PDZD7: variants seen among roughly 807,000 people sequenced by gnomAD.
PDZD7 encodes PDZ domain-containing protein 7.
A neutral mutation model predicts 84.7 loss-of-function variants in PDZD7; 72 were observed. The observed-to-expected ratio is 0.85, with a 90% CI of 0.70 to 1.03. PDZD7 has a LOEUF of 1.03. PDZD7 is among the 50% of genes least tolerant of loss of function. The pLI is 0.00. For synonymous variants in PDZD7, 594 were observed against 580.7 expected, an observed-to-expected ratio of 1.02 and a Z score of -0.33; for missense variants, 1,490 against 1,412.9, an observed-to-expected ratio of 1.05 and a Z score of -0.87.
intron 9 of PDZD7, among the ~76,000 whole-genome samples, chr10:101,016,930 T>G (rs2134029528): frequency 6.6e-6 from 1 of 152,086 alleles, no homozygotes; most frequent in Admixed American, 6.6e-5. Context: ...CCCCAGAACA[T>G]CCCACCCCAG....
Position 101,015,672 on chromosome 10 carries a change from A to G in PDZD7, c.1713T>C (p.Asp571=), listed in dbSNP as rs1420646989. ...IQDLAQRLLT[D]DEVLAVTRHC... ...GGCGGGTGACAGCCAGCACCTCGTCATCAGTCAGCAGCCTCTGGGCCAGGT... is the reference window on the plus strand; with the variant it reads ...GGCGGGTGACAGCCAGCACCTCGTCGTCAGTCAGCAGCCTCTGGGCCAGGT... The change falls in exon 11 of 17, where the codon GAT becomes GAC. Residue 571 remains aspartate, a synonymous_variant. Transcript: ENST00000619208. 6.5e-7 allele frequency: 1 copy of G among 1,550,274 alleles called. No individual in the cohort carries two copies. The highest frequency in any genetic ancestry group is 2.4e-5 in the East Asian group (1 of 40,922).
In PDZD7 at chr10:101,023,520, A is replaced by C; in HGVS notation, c.458T>G (p.Leu153Arg). ...CATGTGCAGGCGGCTGCTGCTGGTC[A>C]GCACCTTTACGGCGCTACCCATGGT... ...STTMGSAVKVLTSSSRLHMMV... is the reference protein window; with the variant it reads ...STTMGSAVKVRTSSSRLHMMV... Residue 153 changes from leucine (L) to arginine (R), a missense_variant, in exon 4 of 17, where the codon CTG becomes CGG. Leu to Arg is a moderately radical substitution (Grantham distance 102). Transcript: ENST00000619208. 1 of 1,614,100 alleles carries C rather than the reference A, an allele frequency of 6.2e-7. No homozygotes were observed. Among genetic ancestry groups the C allele is most frequent in the Non-Finnish European group, 8.5e-7 (1 of 1,180,016 alleles).
intron 10 of PDZD7, 113 bp from the exon 11 acceptor site, chr10:101,015,924 T>C (rs77869858): frequency 8.4e-7 from 1 of 1,184,956 alleles, no homozygotes; most frequent in Non-Finnish European, 1.2e-6. Flanking sequence ...TAGCCTAGCC[T>C]ATATGCTCCC....
Position 101,010,706 on chromosome 10 carries a change from AG to A in PDZD7, c.2182del (p.Leu728SerfsTer25), listed in dbSNP as rs1162586274. 14 of 1,141,398 alleles carry A rather than the reference AG, an allele frequency of 1.2e-5. No individual in the cohort carries two copies. The highest frequency in any genetic ancestry group is 2.9e-5 in the Admixed American group (1 of 33,994). The allele number at this position is 1,141,398 out of a possible 1,614,324, so 70.7% of individuals were successfully genotyped here. On this transcript the variant is annotated frameshift_variant, in exon 15 of 17. Transcript: ENST00000619208. LOFTEE classifies it high-confidence loss of function. The part of the protein sequence containing the change: ...QDVPVDAFTP[L>X]RIACTPPPQL... ...GGGAGGGGGTGTGCAGGCAATTCGGAGGGGGGTGAAGGCATCTACTGGCACG... is the reference window on the plus strand; with the variant it reads ...GGGAGGGGGTGTGCAGGCAATTCGGAGGGGGTGAAGGCATCTACTGGCACG...
At chr10:101,026,773 T>TC (rs1475387629) in intron 2 of PDZD7, among the ~76,000 whole-genome samples, 1 of 142,910 alleles carries the variant, frequency 7.0e-6, no homozygotes, top group African/African-American at 2.6e-5. Flanking sequence ...CAGAAAGAAA[T>TC]CCCCGAGGGC....
At chr10:101,013,718 G>A (rs954424478) in intron 11 of PDZD7, among the ~76,000 whole-genome samples, 1 of 152,198 alleles carries the variant, frequency 6.6e-6, no homozygotes, top group Non-Finnish European at 1.5e-5. Context: ...GTGGAGGTTG[G>A]TGGGTTAGGG....
At chr10:101,009,491 A>C in intron 15 of PDZD7, 141 bp from the exon 16 acceptor site, 1 of 691,152 alleles carries the variant, frequency 1.4e-6, no homozygotes, top group Non-Finnish European at 2.5e-6. Context: ...CTCAAATCTC[A>C]ACTCATTCCA....
chr10:101,019,315 C>G, intron 7 of PDZD7, 98 bp from the exon 8 acceptor site: 1 of 1,460,186 alleles, frequency 6.8e-7, no homozygotes, highest in South Asian at 1.3e-5. Flanking sequence ...GAGGCAAGGT[C>G]AGGCAGCAGC....
At chr10:101,008,931 C>G in intron 16 of PDZD7, 81 bp from the exon 17 acceptor site, 1 of 1,421,348 alleles carries the variant, frequency 7.0e-7, no homozygotes, top group Non-Finnish European at 9.2e-7. Flanking sequence ...AGCATCTTCT[C>G]ACCTCCACCC....
intron 14 of PDZD7, 101 bp downstream of exon 14, chr10:101,011,589 C>A: frequency 6.7e-7 from 1 of 1,490,068 alleles, no homozygotes; most frequent in Non-Finnish European, 8.9e-7. Flanking sequence ...TGCCTGGAAG[C>A]CACAACTGCC....
intron 9 of PDZD7, 139 bp downstream of exon 9, chr10:101,017,960 C>T (rs1852793831): frequency 3.4e-6 from 3 of 879,028 alleles, no homozygotes; most frequent in East Asian, 4.9e-5. Context: ...CCATTTTACT[C>T]ATGAGGAAAC....
chr10:101,011,594 A>G (rs1590046537), intron 14 of PDZD7, 96 bp downstream of exon 14: 2 of 1,499,352 alleles, frequency 1.3e-6, no homozygotes, highest in South Asian at 1.3e-5. Flanking sequence ...GGAAGCCACA[A>G]CTGCCCCTAG....
In PDZD7 at chr10:101,030,126, C is replaced by A; in HGVS notation, c.94G>T (p.Gly32Cys). 1 of 1,614,158 alleles carries A rather than the reference C, an allele frequency of 6.2e-7. No homozygotes were observed. Among genetic ancestry groups the A allele is most frequent in the Non-Finnish European group, 8.5e-7 (1 of 1,180,018 alleles). ...LSSLSSRGHL[G>C]SDSGSTATRY... ...GTTGCGGTGGAGCCTGAGTCGCTGCCTAGGTGGCCTCGGGAGGAGAGGGAG... is the reference window on the plus strand; with the variant it reads ...GTTGCGGTGGAGCCTGAGTCGCTGCATAGGTGGCCTCGGGAGGAGAGGGAG... The change falls in exon 2 of 17, where the codon GGC becomes TGC. Residue 32 changes from glycine (G) to cysteine (C), a missense_variant. Gly to Cys is a radical substitution (Grantham distance 159). Coordinates refer to ENST00000619208, the MANE Select transcript of PDZD7 (RefSeq NM_001195263.2).
intron 11 of PDZD7, among the ~76,000 whole-genome samples, chr10:101,014,723 GCACACACA>G (rs372593109): frequency 6.7e-6 from 1 of 149,576 alleles, no homozygotes; most frequent in Non-Finnish European, 1.5e-5. Flanking sequence ...TTGCTCACAT[GCACACACA>G]CACACACAAT....
chr10:101,015,863 C>G, intron 10 of PDZD7, 52 bp from the exon 11 acceptor site: 1 of 1,510,046 alleles, frequency 6.6e-7, no homozygotes, highest in Non-Finnish European at 8.9e-7. Context: ...CTCAGCAGGG[C>G]TGGGCCCCAG....
rs191660005 is a variant in PDZD7, at chr10:101,025,586, C to T, written c.227-1518G>A. ...TATCTGAGACAGAGTCTCGCTCTGTCGCCCAGGCTGGACTGCAGTGGTGCG... is the reference window on the plus strand; with the variant it reads ...TATCTGAGACAGAGTCTCGCTCTGTTGCCCAGGCTGGACTGCAGTGGTGCG... On this transcript the variant is annotated intron_variant, in intron 2 of 16. Coordinates refer to ENST00000619208, the MANE Select transcript of PDZD7 (RefSeq NM_001195263.2). Among the ~76,000 whole-genome samples the T allele has an allele frequency of 7.4e-3, 1,107 of 150,580 alleles. 23 individuals carry two copies. The highest frequency in any genetic ancestry group is 0.026 in the African/African-American group (1,035 of 40,296).
chr10:101,016,306 G>A, intron 10 of PDZD7, 71 bp downstream of exon 10: 3 of 1,482,006 alleles, frequency 2.0e-6, no homozygotes, highest in Non-Finnish European at 1.8e-6. Context: ...CCACTCAGCT[G>A]GCCCCCAGTA....
rs1564821339 is a variant in PDZD7, at chr10:101,008,695, G to A, written c.2874C>T (p.Pro958=). 1 of 1,536,010 alleles carries A rather than the reference G, an allele frequency of 6.5e-7. No homozygotes were observed. ...CATCAGTAAGGGCTGATGAGTCAGA[G>A]GGTGAGGGCCGTGGGCTGGGCCCGG... ...RVPGPSPRPS[P]SDSSALTDGG... Residue 958 remains proline (P), a synonymous_variant, in exon 17 of 17, where the codon CCC becomes CCT. Coordinates refer to ENST00000619208, the MANE Select transcript of PDZD7 (RefSeq NM_001195263.2).
intron 14 of PDZD7, 102 bp downstream of exon 14, chr10:101,011,588 G>A (rs1302814607): frequency 5.4e-6 from 8 of 1,489,394 alleles, no homozygotes; most frequent in Non-Finnish European, 7.1e-6. Context: ...GTGCCTGGAA[G>A]CCACAACTGC....
Sources: gnomAD v4.1 joint callset for allele counts (sites outside exome capture counted in the v4.1 genomes callset) on GRCh38, gnomAD v4.1.1 for gene constraint, MANE v1.5 for transcripts, NCBI Gene and HGNC (gene_info 2026-07-23, HGNC 2026-07-21) for gene names.